The following SPATA16 variants were observed in gnomAD, a reference collection of about 807,000 sequenced individuals.
SPATA16 encodes the protein spermatogenesis associated 16, also known as spermatogenesis-associated protein 16.
A neutral mutation model predicts 63.3 loss-of-function variants in SPATA16; 36 were observed. The ratio of observed to expected loss-of-function variants is 0.57; its 90% CI spans 0.44 to 0.75. The LOEUF (loss-of-function observed/expected upper bound fraction) is 0.75. SPATA16 is among the 30% of genes least tolerant of loss of function. The probability of loss-of-function intolerance (pLI) is 0.00; values close to 1 mark genes in which losing one functional copy is unlikely to be tolerated. For missense variants in SPATA16, 646 were observed against 679.3 expected (o/e 0.95, Z 0.54); for synonymous variants, 203 against 216.7 (o/e 0.94, Z 0.56).
rs186115925 is a variant in SPATA16 at position 173,033,506 on chromosome 3, A to T, written c.759-13931T>A. 1.6e-4 allele frequency among the ~76,000 whole-genome samples: 25 copies of T among 152,280 alleles called. 2 individuals carry two copies. The highest frequency in any genetic ancestry group is 5.8e-4 in the African/African-American group (24 of 41,566). The stretch of plus-strand genomic sequence containing the variant: ...TCTTTCCTTTGGAGTCTGTGAACCA[A>T]AATATCAGCTATCACCTCTCTTGTA... On this transcript the variant is annotated intron_variant, in intron 3 of 10. Coordinates refer to ENST00000351008, the MANE Select transcript of SPATA16 (RefSeq NM_031955.6).
At chr3:173,042,724 A>G (rs935309403) in intron 3 of SPATA16, among the ~76,000 whole-genome samples, 1 of 152,178 alleles carries the variant, frequency 6.6e-6, no homozygotes, top group Non-Finnish European at 1.5e-5. Flanking sequence ...CAAAGCTAGT[A>G]ACTGATAAAG....
chr3:173,110,295 G>A (rs963308383), intron 2 of SPATA16, among the ~76,000 whole-genome samples: 2 of 152,182 alleles, frequency 1.3e-5, no homozygotes, highest in South Asian at 2.1e-4. Flanking sequence ...ATATTTGTGC[G>A]AGAGGCAGTT....
intron 2 of SPATA16, among the ~76,000 whole-genome samples, chr3:173,070,745 A>G (rs1291707749): frequency 1.3e-5 from 2 of 152,194 alleles, no homozygotes; most frequent in Non-Finnish European, 2.9e-5. Context: ...AACATCTAGG[A>G]ATTAACCAAA....
At chr3:172,906,498 GGGCT>G (rs1732240538) in intron 10 of SPATA16, among the ~76,000 whole-genome samples, 1 of 152,132 alleles carries the variant, frequency 6.6e-6, no homozygotes, top group Non-Finnish European at 1.5e-5. Flanking sequence ...AAGACAAACT[GGGCT>G]GGTTTATAGC....
chr3:173,010,525 A>G (rs1011493611), intron 4 of SPATA16, among the ~76,000 whole-genome samples: 4 of 151,090 alleles, frequency 2.6e-5, no homozygotes, highest in Non-Finnish European at 4.4e-5. Flanking sequence ...GCCCTCTGCC[A>G]TTGCTGCTGC....
intron 2 of SPATA16, among the ~76,000 whole-genome samples, chr3:173,079,576 G>A (rs1184154903): frequency 6.6e-6 from 1 of 151,848 alleles, no homozygotes; most frequent in Non-Finnish European, 1.5e-5. Context: ...TTTTACTTTG[G>A]CAACTTTATT....
At chr3:172,905,412 C>G (rs903081118) in intron 10 of SPATA16, among the ~76,000 whole-genome samples, 13 of 152,186 alleles carry the variant, frequency 8.5e-5, no homozygotes, top group African/African-American at 3.1e-4. Flanking sequence ...TGTGTACAAT[C>G]TCTCTCAGAA....
intron 10 of SPATA16, among the ~76,000 whole-genome samples, chr3:172,906,592 T>A (rs2109553082): frequency 6.6e-6 from 1 of 152,296 alleles, no homozygotes; most frequent in Non-Finnish European, 1.5e-5. Context: ...ACAACAGTGC[T>A]GGTCACTCAG....
chr3:173,120,204 A>G (rs770420632), intron 1 of SPATA16, among the ~76,000 whole-genome samples: 2 of 152,142 alleles, frequency 1.3e-5, no homozygotes, highest in Admixed American at 6.5e-5. Flanking sequence ...TGTCTTGGCC[A>G]TCACTTTATT....
rs1422366518 is a variant in SPATA16 at position 173,028,019 on chromosome 3, CTTCTT to C, written c.759-8449_759-8445del. On this transcript the variant is annotated intron_variant, in intron 3 of 10. Transcript: ENST00000351008. ...CCTCCCTCCCTCCCTCCCTCCCTTC[CTTCTT>C]TCCTTCCTTCCTTCCTTCCTTCCTT... is the stretch of plus-strand genomic sequence containing the variant. Among the ~76,000 whole-genome samples the C allele has an allele frequency of 3.5e-3, 219 of 62,926 alleles. 2 individuals carry two copies. The highest frequency in any genetic ancestry group is 0.018 in the African/African-American group (205 of 11,092). The allele number at this position is 62,926 out of a possible 152,430, so 41.3% of individuals were successfully genotyped here.
chr3:172,981,652 C>A (rs1404010019), intron 4 of SPATA16, among the ~76,000 whole-genome samples: 1 of 152,212 alleles, frequency 6.6e-6, no homozygotes, highest in East Asian at 1.9e-4. Context: ...GAGAACTACC[C>A]TGACCAGATT....
rs138907242 is a variant in SPATA16, at chr3:172,917,333, G to T, written c.1339-852C>A. 1.1e-3 allele frequency among the ~76,000 whole-genome samples: 163 copies of T among 152,288 alleles called. 2 individuals are homozygous for T. The highest frequency in any genetic ancestry group is 3.8e-3 in the African/African-American group (156 of 41,572). ...AAGAAAAAGTACTTTTGATTTGGGG[G>T]TATATAAGGGTTAACATAAAAGCCT... On this transcript the variant is annotated intron_variant, in intron 8 of 10. Coordinates refer to ENST00000351008, the MANE Select transcript of SPATA16 (RefSeq NM_031955.6).
intron 10 of SPATA16, among the ~76,000 whole-genome samples, chr3:172,908,803 T>C (rs1334163703): frequency 6.6e-6 from 1 of 152,206 alleles, no homozygotes; most frequent in Non-Finnish European, 1.5e-5. Context: ...CAACTTCTAC[T>C]GGGCTCAGAA....
chr3:173,023,361 T>C (rs975634172), intron 3 of SPATA16, among the ~76,000 whole-genome samples: 2 of 152,102 alleles, frequency 1.3e-5, no homozygotes, highest in Admixed American at 1.3e-4. Context: ...TTGTAGCCCA[T>C]GCTTTTGATC....
At chr3:172,961,063 CTTCT>C (rs1278411759) in intron 5 of SPATA16, among the ~76,000 whole-genome samples, 316 of 28,756 alleles carry the variant, frequency 0.011, 10 homozygotes, top group East Asian at 0.066. Flanking sequence ...TTCTTTCTTT[CTTCT>C]TTCTTCCTTC....
chr3:173,029,780 T>G (rs956587151), intron 3 of SPATA16, among the ~76,000 whole-genome samples: 1 of 151,986 alleles, frequency 6.6e-6, no homozygotes, highest in Non-Finnish European at 1.5e-5. Flanking sequence ...TAGGGATAGA[T>G]TTTTATTTTT....
At chr3:173,088,187 C>A (rs1203796394) in intron 2 of SPATA16, among the ~76,000 whole-genome samples, 4 of 150,144 alleles carry the variant, frequency 2.7e-5, no homozygotes, top group Non-Finnish European at 5.9e-5. Flanking sequence ...CAGGTTCAAG[C>A]AATTCTCCTG....
intron 2 of SPATA16, among the ~76,000 whole-genome samples, chr3:173,069,423 G>A (rs1736613274): frequency 6.6e-6 from 1 of 152,158 alleles, no homozygotes; most frequent in Non-Finnish European, 1.5e-5. Context: ...AACATGCCAA[G>A]ATTGAACCAT....
In SPATA16 at chr3:173,137,783, C is replaced by T. The variant is rs963738943; in HGVS notation, c.-19+3320G>A. Among the ~76,000 whole-genome samples, 6 of 148,314 alleles carry T rather than the reference C, an allele frequency of 4.0e-5. No individual in the cohort carries two copies. The Admixed American group carries it at 4.1e-4, about 10-fold the overall frequency. On this transcript the variant is annotated intron_variant, in intron 1 of 10. Coordinates refer to ENST00000351008, the MANE Select transcript of SPATA16 (RefSeq NM_031955.6). The stretch of plus-strand genomic sequence containing the variant: ...AGAAGCCTTCTGTGTGTTTATTCCT[C>T]CATTATCTTCTGCTCTGAGGGGGAT...
Sources: gnomAD v4.1 joint callset for allele counts (sites outside exome capture counted in the v4.1 genomes callset) on GRCh38, gnomAD v4.1.1 for gene constraint, MANE v1.5 for transcripts, NCBI Gene and HGNC (gene_info 2026-07-23, HGNC 2026-07-21) for gene names.